The following SLC26A11 variants were observed in gnomAD, a reference collection of about 807,000 sequenced individuals.
SLC26A11 encodes solute carrier family 26 member 11, also known as sodium-independent sulfate anion transporter.
In SLC26A11, 58 loss-of-function variants were observed where a neutral mutation model predicts 62.2. The observed-to-expected ratio is 0.93, with a 90% CI of 0.76 to 1.16. SLC26A11 has a LOEUF of 1.16. SLC26A11 is among the 50% of genes most tolerant of loss of function. SLC26A11 has a pLI of 0.00. For synonymous variants in SLC26A11, 411 were observed against 368.9 expected (o/e 1.11, Z -1.31); for missense variants, 790 against 794.3 (o/e 0.99, Z 0.06).
chr17:80,231,993 A>C (rs376197830), intron 7 of SLC26A11, among the ~76,000 whole-genome samples: 1 of 152,224 alleles, frequency 6.6e-6, no homozygotes, highest in South Asian at 2.1e-4. Context: ...TTTTCTTTCT[A>C]CTTGTTCTGT....
rs2042476380 is a variant in SLC26A11 at position 80,228,500 on chromosome 17, C to A, written c.736+540C>A. 6.6e-6 allele frequency among the ~76,000 whole-genome samples: 1 copy of A among 152,216 alleles called. No homozygotes were observed. On this transcript the variant is annotated intron_variant, in intron 7 of 17. Coordinates refer to ENST00000361193, the MANE Select transcript of SLC26A11 (RefSeq NM_001166347.2). The surrounding 1 kb of genome is among the most constrained non-coding windows in gnomAD (Gnocchi z 4.1). ...TCTGATGCAGGGTCAGAGCTGAGAA[C>A]TGATGCATGGCCAGCTGTGGCCGTT...
chr17:80,233,648 A>G (rs532411285), intron 7 of SLC26A11, among the ~76,000 whole-genome samples: 9 of 148,740 alleles, frequency 6.1e-5, no homozygotes, highest in African/African-American at 2.2e-4. Context: ...TGGTACAATT[A>G]TAGTTCACTG....
rs1361150464 is a variant in SLC26A11, at chr17:80,246,979, G to A, written c.1294+330G>A. Among the ~76,000 whole-genome samples, 1 of 151,770 alleles carries A rather than the reference G, an allele frequency of 6.6e-6. No homozygotes were observed. Among genetic ancestry groups the A allele is most frequent in the African/African-American group, 2.4e-5 (1 of 41,306 alleles). On this transcript the variant is annotated intron_variant, in intron 13 of 17. Transcript: ENST00000361193. This position sits in a 1 kb window ranked among gnomAD's most constrained non-coding sequence, Gnocchi z 4.4. ...CACCACTCTGCCCGGCCCAGCTGGG[G>A]GAGGGACAGGAGACGTCCCTGGTGA...
chr17:80,247,019 G>A (rs1475662934), intron 13 of SLC26A11, among the ~76,000 whole-genome samples: 2 of 151,546 alleles, frequency 1.3e-5, no homozygotes, highest in African/African-American at 2.4e-5. Flanking sequence ...CAGGGCCAGC[G>A]GAACAGCCTT....
chr17:80,252,209 T>C lies in SLC26A11; in HGVS notation c.1730-416T>C, dbSNP rs1036208473. On this transcript the variant is annotated intron_variant, in intron 17 of 17. Transcript: ENST00000361193. This position sits in a 1 kb window ranked among gnomAD's most constrained non-coding sequence, Gnocchi z 5.2. ...GGGTCCCAGGCCCCAGTGCTAGGCC[T>C]CTTCCTCTTCCACTGAGGTCACAGC... Among the ~76,000 whole-genome samples, 1 of 152,140 alleles carries C rather than the reference T, an allele frequency of 6.6e-6. No homozygotes were observed. Among genetic ancestry groups the C allele is most frequent in the Non-Finnish European group, 1.5e-5 (1 of 68,032 alleles).
Position 80,223,632 on chromosome 17 carries a change from GCT to G in SLC26A11, c.513+298_513+299del, listed in dbSNP as rs2042286893. Among the ~76,000 whole-genome samples, 2 of 152,152 alleles carry G rather than the reference GCT, an allele frequency of 1.3e-5. No homozygotes were observed. Among genetic ancestry groups the G allele is most frequent in the South Asian group, 4.1e-4 (2 of 4,830 alleles). ...GTTTCCGTGCCAGTGTGCTTGGCTG[GCT>G]CTGTGACGTGGCTCTGTTCTCCCTG... is the stretch of plus-strand genomic sequence containing the variant. On this transcript the variant is annotated intron_variant, in intron 5 of 17. Coordinates refer to ENST00000361193, the MANE Select transcript of SLC26A11 (RefSeq NM_001166347.2). The surrounding 1 kb of genome is among the most constrained non-coding windows in gnomAD (Gnocchi z 4.6).
In SLC26A11 at chr17:80,221,723, G is replaced by C; in HGVS notation, c.163G>C (p.Gly55Arg). 1 of 1,613,674 alleles carries C rather than the reference G, an allele frequency of 6.2e-7. No individual in the cohort carries two copies. The highest frequency in any genetic ancestry group is 8.5e-7 in the Non-Finnish European group (1 of 1,180,034). Residue 55 changes from glycine to arginine, a missense_variant, in exon 3 of 18, where the codon GGC becomes CGC. By Grantham distance (125) the Gly-to-Arg change is moderately radical (BLOSUM62 -2). Transcript: ENST00000361193. Reference protein sequence around the residue: ...LQWLKMDFVAGLSVGLTAIPQ... With the variant: ...LQWLKMDFVARLSVGLTAIPQ... The stretch of plus-strand genomic sequence containing the variant: ...GTGGCTGAAGATGGATTTCGTCGCC[G>C]GCCTCTCAGTTGGCCTCACTGCCAT...
intron 5 of SLC26A11, among the ~76,000 whole-genome samples, chr17:80,224,416 AGT>A (rs1348377829): frequency 1.6e-5 from 2 of 128,096 alleles, no homozygotes; most frequent in East Asian, 4.7e-4. Flanking sequence ...AGTGAGTGTG[AGT>A]GAGTGAGAGT....
rs1353534628 is a variant in SLC26A11, at chr17:80,252,061, G to A, written c.1730-564G>A. Among the ~76,000 whole-genome samples, 12 of 152,154 alleles carry A rather than the reference G, an allele frequency of 7.9e-5. No individual in the cohort carries two copies. Among genetic ancestry groups the A allele is most frequent in the Admixed American group, 7.9e-4 (12 of 15,266 alleles). ...GGGACAGAAGGTACGGGAGGGACAGGAGCAGGGTGGGCGCTGACCCTTGAG... is the reference window on the plus strand; with the variant it reads ...GGGACAGAAGGTACGGGAGGGACAGAAGCAGGGTGGGCGCTGACCCTTGAG... On this transcript the variant is annotated intron_variant, in intron 17 of 17. Coordinates refer to ENST00000361193, the MANE Select transcript of SLC26A11 (RefSeq NM_001166347.2). The surrounding 1 kb of genome is among the most constrained non-coding windows in gnomAD (Gnocchi z 5.2).
chr17:80,233,152 GGT>G (rs1390402022), intron 7 of SLC26A11, among the ~76,000 whole-genome samples: 1 of 151,988 alleles, frequency 6.6e-6, no homozygotes, highest in African/African-American at 2.4e-5. Flanking sequence ...GGGAGGCTGA[GGT>G]GGGAGGATTG....
At position 80,221,749 on chromosome 17, in the gene SLC26A11, T is replaced by C. The variant is rs1465995936; in HGVS notation, c.189T>C (p.Ile63=). The change falls in exon 3 of 18, where the codon ATT becomes ATC. Residue 63 remains isoleucine, a synonymous_variant. Coordinates refer to ENST00000361193, the MANE Select transcript of SLC26A11 (RefSeq NM_001166347.2). The part of the protein sequence containing the change: ...VAGLSVGLTA[I]PQALAYAEVA... ...GCCTCTCAGTTGGCCTCACTGCCATTCCCCAGGCGCTGGCCTATGCTGAAG... is the reference window on the plus strand; with the variant it reads ...GCCTCTCAGTTGGCCTCACTGCCATCCCCCAGGCGCTGGCCTATGCTGAAG... 2.5e-6 allele frequency: 4 copies of C among 1,613,270 alleles called. No homozygotes were observed. In the African/African-American group the frequency reaches 5.3e-5, roughly 22 times the overall value.
intron 15 of SLC26A11, among the ~76,000 whole-genome samples, chr17:80,248,919 G>A (rs975356603): frequency 1.3e-5 from 2 of 152,178 alleles, no homozygotes; most frequent in Admixed American, 6.5e-5. Context: ...CTGGGGGGTT[G>A]ATTTTAGGGG....
chr17:80,237,354 G>C (rs1429927380), intron 8 of SLC26A11, 168 bp from the exon 9 acceptor site: 1 of 755,650 alleles, frequency 1.3e-6, no homozygotes, highest in African/African-American at 1.8e-5. Flanking sequence ...AATTTACCGT[G>C]TTCCTCCCAG....
In SLC26A11 at chr17:80,222,856, C is replaced by T. The variant is rs370656122; in HGVS notation, c.427+9C>T. 1 of 1,612,948 alleles carries T rather than the reference C, an allele frequency of 6.2e-7. No individual in the cohort carries two copies. Among genetic ancestry groups the T allele is most frequent in the Non-Finnish European group, 8.5e-7 (1 of 1,179,256 alleles). On this transcript the variant is annotated intron_variant, in intron 4 of 17. Transcript: ENST00000361193. The surrounding 1 kb of genome is among the most constrained non-coding windows in gnomAD (Gnocchi z 4.7). Reference sequence around the variant, plus strand: ...GGGGGTCCTGCGTTTGGGTGAGGCTCTACCTTCTTGCCAAGGGGATGCCCT... The same window carrying T: ...GGGGGTCCTGCGTTTGGGTGAGGCTTTACCTTCTTGCCAAGGGGATGCCCT...
In SLC26A11 at chr17:80,222,707, C is replaced by T. The variant is rs769151850; in HGVS notation, c.287C>T (p.Thr96Ile). 4 of 1,614,132 alleles carry T rather than the reference C, an allele frequency of 2.5e-6. No homozygotes were observed. The highest frequency in any genetic ancestry group is 1.1e-5 in the South Asian group (1 of 91,072). The change falls in exon 4 of 18, where the codon ACC (threonine) becomes ATC (isoleucine). Residue 96 changes from threonine (T) to isoleucine (I), a missense_variant. Transcript: ENST00000361193. The surrounding 1 kb of genome is among the most constrained non-coding windows in gnomAD (Gnocchi z 4.7). ...TGCTTCGTGTATTTCTTCCTGGGCA[C>T]CTCCCGGGATGTGACTCTGGGCCCC... Reference protein sequence around the residue: ...MGCFVYFFLGTSRDVTLGPTA... With the variant: ...MGCFVYFFLGISRDVTLGPTA...
chr17:80,248,072 G>T, intron 13 of SLC26A11, 58 bp from the exon 14 acceptor site: 1 of 1,528,004 alleles, frequency 6.5e-7, no homozygotes, highest in South Asian at 1.2e-5. Flanking sequence ...TGGTCAGCAG[G>T]GCCATGTTGG....
At chr17:80,224,276 A>T (rs367756322) in intron 5 of SLC26A11, among the ~76,000 whole-genome samples, 10 of 146,790 alleles carry the variant, frequency 6.8e-5, no homozygotes, top group African/African-American at 1.3e-4. Context: ...TGTGTGAGTG[A>T]GTGCGTGTGT....
At position 80,228,521 on chromosome 17, in the gene SLC26A11, C is replaced by T. The variant is rs2042476709; in HGVS notation, c.736+561C>T. 6.6e-6 allele frequency among the ~76,000 whole-genome samples: 1 copy of T among 152,218 alleles called. No individual in the cohort carries two copies. The highest frequency in any genetic ancestry group is 1.5e-5 in the Non-Finnish European group (1 of 68,046). Reference sequence around the variant, plus strand: ...AGAACTGATGCATGGCCAGCTGTGGCCGTTCTCAACCTGAAGCAGTTTTGC... The same window carrying T: ...AGAACTGATGCATGGCCAGCTGTGGTCGTTCTCAACCTGAAGCAGTTTTGC... On this transcript the variant is annotated intron_variant, in intron 7 of 17. Coordinates refer to ENST00000361193, the MANE Select transcript of SLC26A11 (RefSeq NM_001166347.2). The surrounding 1 kb of genome is among the most constrained non-coding windows in gnomAD (Gnocchi z 4.1).
At chr17:80,247,880 G>A (rs1217437282) in intron 13 of SLC26A11, among the ~76,000 whole-genome samples, 1 of 152,200 alleles carries the variant, frequency 6.6e-6, no homozygotes, top group Non-Finnish European at 1.5e-5. Context: ...TGCCCTCCCT[G>A]AGGTTGGAGG....
Sources: gnomAD v4.1 joint callset for allele counts (sites outside exome capture counted in the v4.1 genomes callset) on GRCh38, gnomAD v4.1.1 for gene constraint, Gnocchi (gnomAD v3.1) non-coding constraint, MANE v1.5 for transcripts, NCBI Gene and HGNC (gene_info 2026-07-23, HGNC 2026-07-21) for gene names.